Variants in MAP4K5 observed in about 807,000 individuals in gnomAD.
MAP4K5 encodes MAPK/ERK kinase kinase kinase 5.
A neutral mutation model predicts 135.6 loss-of-function variants in MAP4K5; 82 were observed. The observed-to-expected ratio is 0.60, with a 90% CI of 0.51 to 0.73. MAP4K5 has a LOEUF of 0.73. MAP4K5 is among the 30% of genes least tolerant of loss of function. The pLI is 0.00. For missense variants in MAP4K5, 907 were observed against 1,010.9 expected (o/e 0.90, Z 1.39); for synonymous variants, 347 against 335.0 (o/e 1.04, Z -0.39).
chr14:50,450,593 C>A (rs1192625448), intron 14 of MAP4K5: 2 of 152,134 alleles, frequency 1.3e-5, no homozygotes, highest in African/African-American at 4.8e-5. Flanking sequence ...GAAGGATGAA[C>A]TCCAAAAATA....
chr14:50,428,223 G>A (rs780830012), intron 30 of MAP4K5, among the ~76,000 whole-genome samples: 2 of 151,788 alleles, frequency 1.3e-5, no homozygotes, highest in East Asian at 3.9e-4. Context: ...AGCCATATAT[G>A]TTTAATCACT....
chr14:50,509,049 C>T (rs183368169), intron 2 of MAP4K5, among the ~76,000 whole-genome samples: 7 of 152,082 alleles, frequency 4.6e-5, no homozygotes, highest in African/African-American at 1.7e-4. Flanking sequence ...TACTATGCAG[C>T]CATAAAAAAA....
chr14:50,502,216 A>T (rs2037721058), intron 3 of MAP4K5, among the ~76,000 whole-genome samples: 1 of 152,150 alleles, frequency 6.6e-6, no homozygotes, highest in African/African-American at 2.4e-5. Context: ...CAATTCAAAA[A>T]ACTGCAAACT....
At chr14:50,549,355 T>C (rs1051251770) in intron 1 of MAP4K5, among the ~76,000 whole-genome samples, 2 of 152,184 alleles carry the variant, frequency 1.3e-5, no homozygotes, top group African/African-American at 4.8e-5. Flanking sequence ...TATGCAGATA[T>C]TCTAGCAGCT....
chr14:50,543,034 A>G (rs1460942903), intron 1 of MAP4K5, among the ~76,000 whole-genome samples: 4 of 152,244 alleles, frequency 2.6e-5, no homozygotes, highest in Non-Finnish European at 5.9e-5. Flanking sequence ...TGTGAAAATA[A>G]CTGTGAACTA....
At chr14:50,431,135 C>T (rs558764679) in intron 28 of MAP4K5, among the ~76,000 whole-genome samples, 14 of 152,244 alleles carry the variant, frequency 9.2e-5, no homozygotes, top group Admixed American at 3.9e-4. Context: ...TATTTCATTG[C>T]ACTGATTTAT....
At chr14:50,436,129 T>A (rs184786531) in intron 26 of MAP4K5, among the ~76,000 whole-genome samples, 100 of 152,282 alleles carry the variant, frequency 6.6e-4, no homozygotes, top group Admixed American at 2.4e-3. Flanking sequence ...AAATAGGAAG[T>A]TAGGAACTTA....
chr14:50,418,609 T>G lies in MAP4K5; in HGVS notation c.*1410A>C, dbSNP rs961304091. The G allele has an allele frequency of 6.6e-6, 1 of 152,658 alleles. No homozygotes were observed. The highest frequency in any genetic ancestry group is 2.4e-5 in the African/African-American group (1 of 41,454). 9.5% of individuals were successfully genotyped at this position (152,658 alleles called of 1,614,324 possible). A position where few individuals can be genotyped will look rare whatever the true frequency, so the allele number is the denominator to read the frequency against. Reference sequence around the variant, plus strand: ...TCATGGTCAGGCTCAACTACTAACTTGCTGTGTAAATTGGATAGATCTCTT... The same window carrying G: ...TCATGGTCAGGCTCAACTACTAACTGGCTGTGTAAATTGGATAGATCTCTT... On this transcript the variant is annotated 3_prime_UTR_variant, in exon 33 of 33. Coordinates refer to ENST00000682126, the MANE Select transcript of MAP4K5 (RefSeq NM_006575.6).
At chr14:50,560,164 C>T (rs2038817523) in intron 1 of MAP4K5, 1 of 1,427,574 alleles carries the variant, frequency 7.0e-7, no homozygotes, top group Non-Finnish European at 9.7e-7. Flanking sequence ...GCGAACTGCG[C>T]CCAGCGCGGG....
intron 11 of MAP4K5, 64 bp downstream of exon 11, chr14:50,466,519 G>T: frequency 1.3e-6 from 1 of 776,338 alleles, no homozygotes; most frequent in South Asian, 1.8e-5. Flanking sequence ...TGCAAAATAT[G>T]GGAACTGAAT....
intron 13 of MAP4K5, 86 bp downstream of exon 13, chr14:50,462,579 G>T (rs2139810900): frequency 1.2e-6 from 1 of 827,940 alleles, no homozygotes; most frequent in African/African-American, 1.7e-5. Flanking sequence ...TTAAAAGATA[G>T]ACTCAGAAAA....
chr14:50,425,489 A>G (rs1288203522), intron 31 of MAP4K5, among the ~76,000 whole-genome samples: 1 of 152,212 alleles, frequency 6.6e-6, no homozygotes, highest in Non-Finnish European at 1.5e-5. Context: ...TTGGTACTCA[A>G]TAGTTACTAA....
At chr14:50,539,455 T>C (rs2038534380) in intron 2 of MAP4K5, among the ~76,000 whole-genome samples, 1 of 152,164 alleles carries the variant, frequency 6.6e-6, no homozygotes, top group Non-Finnish European at 1.5e-5. Flanking sequence ...TTATCTCTCA[T>C]AGCTAAGGGG....
chr14:50,424,064 T>C (rs1002058724), intron 31 of MAP4K5, among the ~76,000 whole-genome samples: 3 of 152,068 alleles, frequency 2.0e-5, no homozygotes, highest in Non-Finnish European at 4.4e-5. Context: ...CCATCACTTG[T>C]CTTCTGGAAT....
chr14:50,445,673 G>A (rs922039105), intron 17 of MAP4K5, among the ~76,000 whole-genome samples: 16 of 152,200 alleles, frequency 1.1e-4, no homozygotes, highest in South Asian at 8.3e-4. Context: ...GGGTTCAAGC[G>A]ATTCTCATGC....
intron 3 of MAP4K5, among the ~76,000 whole-genome samples, chr14:50,499,946 G>A (rs998475046): frequency 2.0e-5 from 3 of 152,152 alleles, no homozygotes; most frequent in African/African-American, 7.2e-5. Context: ...AAAAATATCA[G>A]TTAGGCCTTA....
At chr14:50,527,419 A>C (rs1173401023) in intron 2 of MAP4K5, among the ~76,000 whole-genome samples, 1 of 152,186 alleles carries the variant, frequency 6.6e-6, no homozygotes. Flanking sequence ...TCCAAAAAAA[A>C]AAAAAAATGT....
intron 5 of MAP4K5, among the ~76,000 whole-genome samples, chr14:50,484,422 C>G (rs879855084): frequency 6.6e-6 from 1 of 152,090 alleles, no homozygotes; most frequent in Admixed American, 6.6e-5. Context: ...AAGTTTACTT[C>G]TGAGCTTTGC....
Position 50,434,497 on chromosome 14 carries a change from C to T in MAP4K5, c.2061G>A (p.Met687Ile). The T allele has an allele frequency of 6.2e-7, 1 of 1,607,638 alleles. No individual in the cohort carries two copies. Among genetic ancestry groups the T allele is most frequent in the Non-Finnish European group, 8.5e-7 (1 of 1,176,880 alleles). ...MLVIPEQEYP[M>I]VCVAISKGTE... is the part of the protein sequence containing the mutation. ...TGCCTTTGCTAATAGCTACACAGAC[C>T]ATAGGGTATTCCTGTTCAGGTATCA... The change falls in exon 28 of 33, where the codon ATG (methionine) becomes ATA (isoleucine). Residue 687 changes from methionine to isoleucine, a missense_variant. Transcript: ENST00000682126.
Sources: gnomAD v4.1 joint callset for allele counts (sites outside exome capture counted in the v4.1 genomes callset) on GRCh38, gnomAD v4.1.1 for gene constraint, MANE v1.5 for transcripts, NCBI Gene and HGNC (gene_info 2026-07-23, HGNC 2026-07-21) for gene names.